STAU2: variants seen among roughly 807,000 people sequenced by gnomAD.
STAU2 encodes staufen double-stranded RNA binding protein 2, also known as double-stranded RNA-binding protein Staufen homolog 2.
STAU2 carries 20 observed loss-of-function variants against 65.9 expected under a neutral mutation model. That is an observed-to-expected ratio of 0.30 (90% confidence interval 0.21 to 0.44). The LOEUF (loss-of-function observed/expected upper bound fraction) is 0.44. Ranked by LOEUF, STAU2 falls within the 20% of genes least tolerant of loss-of-function variation. The pLI is 1.00. For missense variants in STAU2, 558 were observed against 683.9 expected (o/e 0.82, Z 2.05); for synonymous variants, 232 against 233.9 (o/e 0.99, Z 0.07).
chr8:73,496,202 G>A (rs1821411465), intron 13 of STAU2, among the ~76,000 whole-genome samples: 1 of 151,440 alleles, frequency 6.6e-6, no homozygotes, highest in Admixed American at 6.6e-5. Flanking sequence ...CTCGGTGTGT[G>A]TGTGTGCATC....
chr8:73,489,368 CA>C (rs753837320), intron 13 of STAU2, among the ~76,000 whole-genome samples: 1 of 151,930 alleles, frequency 6.6e-6, no homozygotes, highest in African/African-American at 2.4e-5. Context: ...TAGTTTGCTA[CA>C]AATGACACAC....
At chr8:73,673,725 A>C (rs1189963279) in intron 5 of STAU2, among the ~76,000 whole-genome samples, 1 of 152,160 alleles carries the variant, frequency 6.6e-6, no homozygotes, top group Non-Finnish European at 1.5e-5. Context: ...TTTTTCTATA[A>C]CCAACAAAAC....
chr8:73,634,603 C>CA (rs1331875405), intron 6 of STAU2, among the ~76,000 whole-genome samples: 1 of 152,214 alleles, frequency 6.6e-6, no homozygotes, highest in Non-Finnish European at 1.5e-5. Flanking sequence ...CAATGGCCTA[C>CA]AAGGCCTTAC....
At chr8:73,525,157 T>C (rs1823280173) in intron 13 of STAU2, among the ~76,000 whole-genome samples, 1 of 152,240 alleles carries the variant, frequency 6.6e-6, no homozygotes, top group South Asian at 2.1e-4. Flanking sequence ...CATCTACCAA[T>C]GTGACCATCA....
chr8:73,568,410 G>C (rs2128953757), intron 12 of STAU2, among the ~76,000 whole-genome samples: 1 of 152,248 alleles, frequency 6.6e-6, no homozygotes, highest in Admixed American at 6.5e-5. Flanking sequence ...AGACAAGCCT[G>C]GGCAACTCCA....
chr8:73,668,590 T>C (rs957948315), intron 6 of STAU2, among the ~76,000 whole-genome samples: 1 of 152,230 alleles, frequency 6.6e-6, no homozygotes, highest in Admixed American at 6.5e-5. Context: ...GCACGAAGTG[T>C]TCTCCAAGCT....
At chr8:73,427,207 C>T (rs1014477593) in intron 13 of STAU2, among the ~76,000 whole-genome samples, 2 of 152,110 alleles carry the variant, frequency 1.3e-5, no homozygotes, top group African/African-American at 2.4e-5. Flanking sequence ...GGATTACATG[C>T]GTGAGCCACT....
intron 11 of STAU2, among the ~76,000 whole-genome samples, chr8:73,587,873 G>A (rs1057256080): frequency 2.0e-5 from 3 of 152,056 alleles, no homozygotes; most frequent in African/African-American, 7.2e-5. Context: ...TATAAACCTT[G>A]AGTTTTTATA....
intron 3 of STAU2, among the ~76,000 whole-genome samples, chr8:73,712,413 G>A (rs1399210089): frequency 6.6e-6 from 1 of 152,082 alleles, no homozygotes; most frequent in Non-Finnish European, 1.5e-5. Flanking sequence ...TTCCCACAAA[G>A]TAAAATAGAG....
chr8:73,505,302 A>G (rs2128921787), intron 13 of STAU2, among the ~76,000 whole-genome samples: 1 of 152,210 alleles, frequency 6.6e-6, no homozygotes, highest in South Asian at 2.1e-4. Context: ...AGTCAGGATC[A>G]GTTTACTGGG....
chr8:73,650,550 T>C (rs914788702), intron 6 of STAU2, among the ~76,000 whole-genome samples: 4 of 152,142 alleles, frequency 2.6e-5, no homozygotes. Context: ...AAGAAAGTTC[T>C]CTTTAATATT....
At chr8:73,742,035 T>A (rs12334754) in intron 1 of STAU2, among the ~76,000 whole-genome samples, 15,369 of 152,220 alleles carry the variant, frequency 0.1, 1,023 homozygotes, top group African/African-American at 0.19. Context: ...AACCAGTTAT[T>A]TTAGATTTAC....
intron 3 of STAU2, among the ~76,000 whole-genome samples, chr8:73,723,120 AC>A (rs1720423142): frequency 1.3e-5 from 2 of 152,048 alleles, no homozygotes; most frequent in African/African-American, 4.8e-5. Context: ...ACACACACAC[AC>A]ACACATACAC....
At chr8:73,741,284 G>A (rs1396749847) in intron 1 of STAU2, among the ~76,000 whole-genome samples, 5 of 122,588 alleles carry the variant, frequency 4.1e-5, no homozygotes, top group Admixed American at 8.3e-5. Flanking sequence ...CAGCCTGGGC[G>A]ACAGAGCAAG....
intron 12 of STAU2, among the ~76,000 whole-genome samples, chr8:73,554,336 C>G (rs1198812881): frequency 5.9e-5 from 9 of 152,238 alleles, no homozygotes; most frequent in Non-Finnish European, 1.2e-4. Flanking sequence ...CCACCACCAC[C>G]AGCCACCTCT....
intron 6 of STAU2, among the ~76,000 whole-genome samples, chr8:73,619,502 C>G (rs1052298354): frequency 2.6e-5 from 4 of 152,162 alleles, no homozygotes; most frequent in African/African-American, 9.7e-5. Context: ...CGCTCTATGT[C>G]CAACCTGAGA....
chr8:73,473,797 G>A (rs1285808845), intron 13 of STAU2, among the ~76,000 whole-genome samples: 2 of 152,182 alleles, frequency 1.3e-5, no homozygotes, highest in African/African-American at 4.8e-5. Context: ...AAGGTGCTTT[G>A]AGTATTAGAA....
chr8:73,574,191 C>A (rs1809335309), intron 12 of STAU2, among the ~76,000 whole-genome samples: 1 of 152,184 alleles, frequency 6.6e-6, no homozygotes, highest in Admixed American at 6.5e-5. Flanking sequence ...AAATGCAAAT[C>A]AAAACCACAA....
intron 6 of STAU2, among the ~76,000 whole-genome samples, chr8:73,645,493 G>A (rs1428517609): frequency 9.9e-6 from 1 of 100,892 alleles, no homozygotes; most frequent in Non-Finnish European, 2.8e-5. Flanking sequence ...AGACTTAATG[G>A]TGAAAGACTG....
Sources: allele counts gnomAD v4.1 joint callset (sites outside exome capture counted in the v4.1 genomes callset), GRCh38; gene constraint gnomAD v4.1.1; transcripts MANE v1.5; gene names NCBI Gene and HGNC (gene_info 2026-07-23, HGNC 2026-07-21).